The following TRIM24 variants were observed in gnomAD, a reference collection of about 807,000 sequenced individuals.
TRIM24 encodes the protein tripartite motif containing 24.
A neutral mutation model predicts 123.9 loss-of-function variants in TRIM24; 29 were observed. The observed-to-expected ratio is 0.23, with a 90% CI of 0.17 to 0.32. The LOEUF (loss-of-function observed/expected upper bound fraction) is 0.32, where lower values mean the gene tolerates loss of function less well. Among genes scored for constraint, TRIM24 ranks in the 10% least tolerant of loss-of-function variants. The pLI, the probability that TRIM24 is intolerant of heterozygous loss-of-function variation, is 1.00. For synonymous variants in TRIM24, 456 were observed against 461.1 expected, an observed-to-expected ratio of 0.99 and a Z score of 0.14; for missense variants, 932 against 1,295.3, an observed-to-expected ratio of 0.72 and a Z score of 4.31.
intron 6 of TRIM24, among the ~76,000 whole-genome samples, chr7:138,537,384 T>TTTTG (rs1796908725): frequency 8.1e-6 from 1 of 124,090 alleles, no homozygotes; most frequent in African/African-American, 3.2e-5. Flanking sequence ...TGTTTGTTTT[T>TTTTG]TTTTTTTTTT....
Position 138,525,298 on chromosome 7 carries a change from C to A in TRIM24, c.822C>A (p.Ile274=). 6.6e-7 allele frequency: 1 copy of A among 1,519,452 alleles called. No individual in the cohort carries two copies. Among genetic ancestry groups the A allele is most frequent in the South Asian group, 1.4e-5 (1 of 72,536 alleles). The allele number at this position is 1,519,452 out of a possible 1,614,324, so 94.1% of individuals were successfully genotyped here. ...QNQKVIIDTL[I]TKLMEKTKYI... ...AGAAAGTGATCATAGATACACTAAT[C>A]ACCAAACTGATGGAAAAAACAAAAT... The change falls in exon 5 of 19, where the codon ATC becomes ATA. Residue 274 remains isoleucine (I), a synonymous_variant. Coordinates refer to ENST00000343526, the MANE Select transcript of TRIM24 (RefSeq NM_015905.3).
intron 8 of TRIM24, among the ~76,000 whole-genome samples, chr7:138,553,036 A>G (rs1436387646): frequency 6.6e-6 from 1 of 152,244 alleles, no homozygotes; most frequent in Non-Finnish European, 1.5e-5. Flanking sequence ...TTAAAACTGT[A>G]CACACATAAA....
chr7:138,525,346 G>T lies in TRIM24; in HGVS notation c.870G>T (p.Gln290His). The part of the protein sequence containing the change: ...KTKYIKFTGN[Q>H]IQNRIIEVNQ... ...AATACATAAAATTCACAGGAAATCA[G>T]ATCCAAAACAGGTAATTTTATGGTA... The change falls in exon 5 of 19, where the codon CAG becomes CAT. Residue 290 changes from glutamine to histidine, a missense_variant. Transcript: ENST00000343526. The T allele has an allele frequency of 6.7e-7, 1 of 1,492,756 alleles. No homozygotes were observed. The highest frequency in any genetic ancestry group is 1.4e-5 in the South Asian group (1 of 71,626). 92.5% of individuals were successfully genotyped at this position (1,492,756 alleles called of 1,614,324 possible).
At chr7:138,579,113 G>T (rs1797838084) in intron 14 of TRIM24, 91 bp from the exon 15 acceptor site, 1 of 1,040,072 alleles carries the variant, frequency 9.6e-7, no homozygotes, top group South Asian at 1.7e-5. Context: ...AAGCAGCCAG[G>T]TGCTCACCAG....
intron 6 of TRIM24, among the ~76,000 whole-genome samples, chr7:138,529,881 G>A (rs936084245): frequency 6.6e-6 from 1 of 152,022 alleles, no homozygotes; most frequent in African/African-American, 2.4e-5. Flanking sequence ...TGATTTTTAG[G>A]TATTCTTTTA....
chr7:138,574,058 C>A (rs1188399326), intron 12 of TRIM24, among the ~76,000 whole-genome samples: 1 of 152,214 alleles, frequency 6.6e-6, no homozygotes, highest in Non-Finnish European at 1.5e-5. Flanking sequence ...CAGGCATGAG[C>A]CATCATACTA....
At chr7:138,525,409 C>A in intron 5 of TRIM24, 52 bp downstream of exon 5, 2 of 1,053,704 alleles carry the variant, frequency 1.9e-6, no homozygotes, top group Non-Finnish European at 2.6e-6. Context: ...TAAGTATATT[C>A]ACTTTTAGAA....
At position 138,460,695 on chromosome 7, in the gene TRIM24, G is replaced by T; in HGVS notation, c.147G>T (p.Arg49=). ...PDSERGGEAA[R]LNLLDTCAVC... ...CGGAGCGCGGCGGCGAGGCGGCCCG[G>T]CTCAACCTGTTGGACACTTGCGCCG... The change falls in exon 1 of 19, where the codon CGG becomes CGT. Residue 49 remains arginine, a synonymous_variant. Coordinates refer to ENST00000343526, the MANE Select transcript of TRIM24 (RefSeq NM_015905.3). 1 of 1,551,080 alleles carries T rather than the reference G, an allele frequency of 6.4e-7. No homozygotes were observed. Among genetic ancestry groups the T allele is most frequent in the Non-Finnish European group, 8.7e-7 (1 of 1,154,148 alleles).
intron 1 of TRIM24, among the ~76,000 whole-genome samples, chr7:138,484,172 C>T (rs1470725142): frequency 1.3e-5 from 2 of 151,384 alleles, no homozygotes; most frequent in South Asian, 2.1e-4. Context: ...TGCAATGGCG[C>T]GATCTTGTCT....
chr7:138,581,508 CA>C (rs1797894482), intron 16 of TRIM24, among the ~76,000 whole-genome samples, 188 bp from the exon 17 acceptor site: 1 of 152,090 alleles, frequency 6.6e-6, no homozygotes, highest in South Asian at 2.1e-4. Flanking sequence ...TTAGTTCATT[CA>C]ATTACAGGGC....
intron 9 of TRIM24, among the ~76,000 whole-genome samples, chr7:138,562,183 G>A (rs1272677302): frequency 6.6e-6 from 1 of 152,148 alleles, no homozygotes; most frequent in African/African-American, 2.4e-5. Flanking sequence ...ATTGCAGCAA[G>A]GTGCAGTTGT....
At chr7:138,470,249 G>A (rs982759658) in intron 1 of TRIM24, among the ~76,000 whole-genome samples, 21 of 146,872 alleles carry the variant, frequency 1.4e-4, no homozygotes, top group Admixed American at 1.4e-3. Flanking sequence ...TCCTGCCTCA[G>A]CCTCCCAAGT....
chr7:138,524,143 T>C (rs1241835129), intron 4 of TRIM24, among the ~76,000 whole-genome samples: 1 of 152,156 alleles, frequency 6.6e-6, no homozygotes, highest in Non-Finnish European at 1.5e-5. Flanking sequence ...CCTATCTCAA[T>C]AGAAGCAGTA....
intron 9 of TRIM24, among the ~76,000 whole-genome samples, chr7:138,557,948 CAG>C (rs201096056): frequency 0.22 from 32,882 of 152,138 alleles, 4,436 homozygotes; most frequent in East Asian, 0.49. Flanking sequence ...ATTATTCTCT[CAG>C]GGGGCCATTC....
chr7:138,504,883 C>G (rs1226503488), intron 2 of TRIM24, among the ~76,000 whole-genome samples: 1 of 151,934 alleles, frequency 6.6e-6, no homozygotes, highest in African/African-American at 2.4e-5. Flanking sequence ...ATCTCAGCCT[C>G]ATGAGTAGCT....
chr7:138,576,392 T>A lies in TRIM24; in HGVS notation c.2034T>A (p.Ser678Arg). The change falls in exon 13 of 19, where the codon AGT (serine) becomes AGA (arginine). Residue 678 changes from serine (S) to arginine (R), a missense_variant. Transcript: ENST00000343526. Reference sequence around the variant, plus strand: ...CCTCAGGACCTGTTACTATGACTAGTGTACACCCCCCAATACGTTCACCTA... The same window carrying A: ...CCTCAGGACCTGTTACTATGACTAGAGTACACCCCCCAATACGTTCACCTA... ...PGLAGPVTMT[S>R]VHPPIRSPSA... is the part of the protein sequence containing the mutation. 6.2e-7 allele frequency: 1 copy of A among 1,613,826 alleles called. No individual in the cohort carries two copies. The highest frequency in any genetic ancestry group is 1.1e-5 in the South Asian group (1 of 91,076).
intron 9 of TRIM24, among the ~76,000 whole-genome samples, chr7:138,567,088 GTTA>G (rs1314119974): frequency 1.3e-5 from 2 of 152,202 alleles, no homozygotes; most frequent in Non-Finnish European, 2.9e-5. Context: ...AGTGTTAGCA[GTTA>G]TTATTCTACC....
At chr7:138,508,300 G>A (rs567201074) in intron 2 of TRIM24, among the ~76,000 whole-genome samples, 8 of 152,082 alleles carry the variant, frequency 5.3e-5, no homozygotes, top group Non-Finnish European at 1.2e-4. Context: ...TTTAGGTTCT[G>A]GTTCCGTTGT....
Position 138,506,174 on chromosome 7 carries a change from T to C in TRIM24, c.483+1766T>C, listed in dbSNP as rs182926933. Reference sequence around the variant, plus strand: ...CTACTGACTAAAATACCTGTTTTTGTAGTTTGGAAAGTATCCACAATTCTT... The same window carrying C: ...CTACTGACTAAAATACCTGTTTTTGCAGTTTGGAAAGTATCCACAATTCTT... On this transcript the variant is annotated intron_variant, in intron 2 of 18. Coordinates refer to ENST00000343526, the MANE Select transcript of TRIM24 (RefSeq NM_015905.3). Among the ~76,000 whole-genome samples the C allele has an allele frequency of 1.9e-3, 290 of 152,348 alleles. 1 individual carries two copies. The highest frequency in any genetic ancestry group is 6.7e-3 in the African/African-American group (277 of 41,584).
Sources: allele counts gnomAD v4.1 joint callset (sites outside exome capture counted in the v4.1 genomes callset), GRCh38; gene constraint gnomAD v4.1.1; transcripts MANE v1.5; gene names NCBI Gene and HGNC (gene_info 2026-07-23, HGNC 2026-07-21).